Variants in EYA1 observed in about 807,000 individuals in gnomAD.
EYA1 encodes the protein protein phosphatase EYA1.
In EYA1, 16 loss-of-function variants were observed where a neutral mutation model predicts 82.0. That is an observed-to-expected ratio of 0.20 (90% CI 0.13 to 0.30). EYA1 has a LOEUF of 0.30. Ranked by LOEUF, EYA1 falls within the 10% of genes least tolerant of loss-of-function variation. The pLI is 1.00. For synonymous variants in EYA1, 261 were observed against 264.4 expected (o/e 0.99, Z 0.12); for missense variants, 633 against 730.7 (o/e 0.87, Z 1.54).
intron 7 of EYA1, among the ~76,000 whole-genome samples, chr8:71,310,327 T>C (rs1425232234): frequency 6.6e-6 from 1 of 152,236 alleles, no homozygotes; most frequent in Non-Finnish European, 1.5e-5. Flanking sequence ...ACTTGTGTCA[T>C]GGAGGTTTGG....
intron 9 of EYA1, among the ~76,000 whole-genome samples, chr8:71,275,176 G>T (rs1306930517): frequency 6.6e-6 from 1 of 152,168 alleles, no homozygotes; most frequent in Non-Finnish European, 1.5e-5. Flanking sequence ...ATCCAGGTGA[G>T]GGATGGTGAT....
chr8:71,504,886 C>G (rs1401972548), intron 2 of EYA1, among the ~76,000 whole-genome samples: 1 of 152,220 alleles, frequency 6.6e-6, no homozygotes, highest in East Asian at 1.9e-4. Flanking sequence ...ACTACAACCT[C>G]TGCCTCCCGG....
At chr8:71,268,991 G>A (rs1194206769) in intron 11 of EYA1, among the ~76,000 whole-genome samples, 1 of 152,074 alleles carries the variant, frequency 6.6e-6, no homozygotes, top group Non-Finnish European at 1.5e-5. Flanking sequence ...ATGAAAACAA[G>A]AGAAATGAAA....
chr8:71,398,599 T>G (rs1490518370), intron 2 of EYA1, among the ~76,000 whole-genome samples: 1 of 152,232 alleles, frequency 6.6e-6, no homozygotes, highest in African/African-American at 2.4e-5. Flanking sequence ...CAGTGGAGGC[T>G]GAAGAACAGC....
intron 2 of EYA1, among the ~76,000 whole-genome samples, chr8:71,487,555 A>T (rs186264904): frequency 6.6e-6 from 1 of 152,190 alleles, no homozygotes; most frequent in Non-Finnish European, 1.5e-5. Flanking sequence ...GCCTAACTCT[A>T]CCAAAAGCTC....
intron 7 of EYA1, among the ~76,000 whole-genome samples, chr8:71,309,592 T>G (rs935089052): frequency 6.6e-6 from 1 of 152,232 alleles, no homozygotes; most frequent in Non-Finnish European, 1.5e-5. Context: ...TAAAAATACC[T>G]TTTCTATAGA....
intron 4 of EYA1, among the ~76,000 whole-genome samples, chr8:71,331,959 A>G (rs377291317): frequency 5.3e-5 from 8 of 151,992 alleles, no homozygotes; most frequent in African/African-American, 1.9e-4. Flanking sequence ...GTGATCTTCC[A>G]GTCTCAGCCT....
intron 3 of EYA1, among the ~76,000 whole-genome samples, chr8:71,336,046 A>C (rs1338666479): frequency 1.3e-5 from 2 of 151,574 alleles, no homozygotes; most frequent in Non-Finnish European, 2.9e-5. Flanking sequence ...CTCAGAATAG[A>C]CAAACTCCCT....
chr8:71,493,290 C>T (rs2129227167), intron 2 of EYA1, among the ~76,000 whole-genome samples: 1 of 152,286 alleles, frequency 6.6e-6, no homozygotes, highest in East Asian at 1.9e-4. Flanking sequence ...GATATGCACA[C>T]ATGTCCTTTA....
At chr8:71,471,122 C>T (rs905820935) in intron 2 of EYA1, among the ~76,000 whole-genome samples, 8 of 151,912 alleles carry the variant, frequency 5.3e-5, no homozygotes, top group African/African-American at 1.9e-4. Context: ...CAACAATCCC[C>T]ATAATAAAAC....
chr8:71,381,707 G>T (rs557879700), intron 2 of EYA1, among the ~76,000 whole-genome samples: 23 of 152,294 alleles, frequency 1.5e-4, no homozygotes, highest in Admixed American at 1.3e-3. Context: ...GCCTAAAATT[G>T]CTTTGAAGAA....
chr8:71,319,377 G>A (rs529627864), intron 6 of EYA1, among the ~76,000 whole-genome samples: 9 of 152,166 alleles, frequency 5.9e-5, no homozygotes, highest in East Asian at 1.9e-4. Context: ...TGATCCGCCC[G>A]CCTCAGCCTC....
At chr8:71,520,789 T>C (rs1813340326) in intron 2 of EYA1, among the ~76,000 whole-genome samples, 1 of 152,170 alleles carries the variant, frequency 6.6e-6, no homozygotes, top group African/African-American at 2.4e-5. Flanking sequence ...AGACTAAAGC[T>C]GTGACTTTTT....
Position 71,361,662 on chromosome 8 carries a change from T to C in EYA1, c.-70A>G, listed in dbSNP as rs538364203. The C allele has an allele frequency of 4.1e-6, 4 of 985,466 alleles. No homozygotes were observed. The South Asian group carries it at 1.4e-4, about 35-fold the overall frequency. 61.0% of individuals were successfully genotyped at this position (985,466 alleles called of 1,614,324 possible). ...TTGTACTTACAGCGCTTACATCTGC[T>C]GCATCCACCAGTTTAATGTGTTCCT... On this transcript the variant is annotated 5_prime_UTR_variant, in exon 1 of 18. Transcript: ENST00000340726.
At chr8:71,261,677 C>A (rs368666043) in intron 11 of EYA1, among the ~76,000 whole-genome samples, 4 of 152,182 alleles carry the variant, frequency 2.6e-5, no homozygotes, top group African/African-American at 7.2e-5. Context: ...CCCAGTGAAT[C>A]TCAAACATGG....
At chr8:71,452,442 T>G (rs1333278022) in intron 2 of EYA1, among the ~76,000 whole-genome samples, 1 of 152,106 alleles carries the variant, frequency 6.6e-6, no homozygotes, top group South Asian at 2.1e-4. Context: ...AGCACGGAGT[T>G]TGAGATCTGA....
intron 13 of EYA1, 32 bp from the exon 14 acceptor site, chr8:71,216,884 C>G (rs1809277435): frequency 6.2e-7 from 1 of 1,613,552 alleles, no homozygotes; most frequent in South Asian, 1.1e-5. Flanking sequence ...CCAAAGTTAG[C>G]CGAACAGAAA....
At chr8:71,530,971 C>T (rs898044835) in intron 2 of EYA1, 11 of 152,074 alleles carry the variant, frequency 7.2e-5, no homozygotes, top group African/African-American at 2.7e-4. Flanking sequence ...AAGTATCTAC[C>T]ATTTATAACA....
intron 11 of EYA1, among the ~76,000 whole-genome samples, chr8:71,267,981 A>C (rs56306547): frequency 6.6e-6 from 1 of 152,368 alleles, no homozygotes; most frequent in Non-Finnish European, 1.5e-5. Context: ...TGGTATTTGT[A>C]ATACATTATT....
Sources: allele counts gnomAD v4.1 joint callset (sites outside exome capture counted in the v4.1 genomes callset), GRCh38; gene constraint gnomAD v4.1.1; transcripts MANE v1.5; gene names NCBI Gene and HGNC (gene_info 2026-07-23, HGNC 2026-07-21).